The following LRRC37A2 variants were observed in gnomAD, a reference collection of about 807,000 sequenced individuals.
LRRC37A2 encodes the protein leucine-rich repeat-containing protein 37A2.
Under a neutral mutation model 68.8 loss-of-function variants are expected in LRRC37A2, and 9 were observed. The ratio of observed to expected loss-of-function variants is 0.13; its 90% CI spans 0.08 to 0.23. LRRC37A2 has a LOEUF of 0.23. LRRC37A2 is among the 10% of genes least tolerant of loss of function. LRRC37A2 has a pLI of 1.00. For synonymous variants in LRRC37A2, 63 were observed against 367.6 expected (o/e 0.17, Z 9.48); for missense variants, 168 against 950.4 (o/e 0.18, Z 10.82).
chr17:46,404,793 C>A, the LRRC37A2 span, among the ~76,000 whole-genome samples: 1 of 92,210 alleles, frequency 1.1e-5, no homozygotes, highest in African/African-American at 3.4e-5. Context: ...TAGCGTGAAC[C>A]CGGGAGGCGG....
chr17:46,923,251 C>CT, the LRRC37A2 span: 1 of 1,550,738 alleles, frequency 6.4e-7, no homozygotes, highest in South Asian at 1.2e-5. Context: ...CGGGCAGGGG[C>CT]TAGACGAGGC....
chr17:46,966,626 G>A, the LRRC37A2 span: 9 of 667,882 alleles, frequency 1.3e-5, no homozygotes, highest in East Asian at 1.4e-4. Context: ...TGGGATTATA[G>A]GTATGAGCCA....
chr17:46,863,420 G>T, the LRRC37A2 span, among the ~76,000 whole-genome samples: 13 of 152,332 alleles, frequency 8.5e-5, no homozygotes, highest in South Asian at 2.5e-3. Flanking sequence ...AAAAACCATG[G>T]CCTCTGCCAA....
At chr17:46,883,758 G>A in the LRRC37A2 span, among the ~76,000 whole-genome samples, 3 of 152,292 alleles carry the variant, frequency 2.0e-5, no homozygotes, top group Admixed American at 1.3e-4. Flanking sequence ...GATTCAGGGC[G>A]ACTGGTGGCA....
At chr17:46,848,926 G>T in the LRRC37A2 span, among the ~76,000 whole-genome samples, 8 of 134,278 alleles carry the variant, frequency 6.0e-5, no homozygotes, top group Admixed American at 3.9e-4. Flanking sequence ...GCACATGTGT[G>T]CACGTGCACA....
At chr17:46,850,604 G>A in the LRRC37A2 span, among the ~76,000 whole-genome samples, 7 of 152,116 alleles carry the variant, frequency 4.6e-5, no homozygotes, top group Non-Finnish European at 7.3e-5. Flanking sequence ...TGCTTGATTT[G>A]ACCCCGTGTT....
At chr17:46,946,617 C>T in the LRRC37A2 span, among the ~76,000 whole-genome samples, 1 of 152,092 alleles carries the variant, frequency 6.6e-6, no homozygotes, top group Non-Finnish European at 1.5e-5. Flanking sequence ...AATCCCAGCA[C>T]TTTGGGAGGC....
the LRRC37A2 span, among the ~76,000 whole-genome samples, chr17:46,998,292 C>T: frequency 6.6e-6 from 1 of 152,204 alleles, no homozygotes; most frequent in Non-Finnish European, 1.5e-5. Flanking sequence ...CTAATCCCGG[C>T]TCGGCCGTGA....
At chr17:46,990,497 C>A in the LRRC37A2 span, among the ~76,000 whole-genome samples, 1 of 152,102 alleles carries the variant, frequency 6.6e-6, no homozygotes, top group Non-Finnish European at 1.5e-5. Context: ...TTCCCCCAGT[C>A]GTTGTAAGGG....
At chr17:46,988,200 ATTATG>A in the LRRC37A2 span, among the ~76,000 whole-genome samples, 2 of 152,230 alleles carry the variant, frequency 1.3e-5, no homozygotes, top group African/African-American at 2.4e-5. Flanking sequence ...AAACAAATGC[ATTATG>A]TTAAGTGCAA....
the LRRC37A2 span, chr17:46,940,660 A>G: frequency 1.2e-6 from 2 of 1,613,068 alleles, no homozygotes; most frequent in African/African-American, 2.7e-5. Flanking sequence ...CGCACCCATC[A>G]TGCGTGGACT....
At chr17:46,804,749 T>G in the LRRC37A2 span, among the ~76,000 whole-genome samples, 1 of 152,200 alleles carries the variant, frequency 6.6e-6, no homozygotes, top group African/African-American at 2.4e-5. Flanking sequence ...TTTTCTGTCT[T>G]ACAAGAGGTT....
At chr17:46,880,111 C>T in the LRRC37A2 span, among the ~76,000 whole-genome samples, 4 of 152,354 alleles carry the variant, frequency 2.6e-5, no homozygotes, top group South Asian at 8.3e-4. Context: ...CTGCAGGCAG[C>T]TAGAGTGAGG....
the LRRC37A2 span, among the ~76,000 whole-genome samples, chr17:46,449,478 C>A: frequency 2.4e-5 from 2 of 84,178 alleles, no homozygotes; most frequent in Admixed American, 1.1e-4. Flanking sequence ...CTCTTACTAT[C>A]CACCATAAAG....
At position 46,543,602 on chromosome 17, in the gene LRRC37A2, T is replaced by C. The variant is rs1348913912; in HGVS notation, c.3054-2653T>C. ...TCTTAGGGGCTGCACACTGAAGTCTTCAATGGTGAAGGGTCATTATGTCTG... is the reference window on the plus strand; with the variant it reads ...TCTTAGGGGCTGCACACTGAAGTCTCCAATGGTGAAGGGTCATTATGTCTG... On this transcript the variant is annotated intron_variant, in intron 8 of 14. Transcript: ENST00000576629. Among the ~76,000 whole-genome samples the C allele has an allele frequency of 1.3e-5, 2 of 150,804 alleles. 1 individual carries two copies. Among genetic ancestry groups the C allele is most frequent in the African/African-American group, 5.0e-5 (2 of 40,116 alleles).
At chr17:46,558,611 G>C (rs1598599690), downstream of LRRC37A2, among the ~76,000 whole-genome samples, 1 of 106,264 alleles carries the variant, frequency 9.4e-6, no homozygotes, top group South Asian at 2.9e-4. Context: ...GGCTAGTCTT[G>C]AACTCCTGAC....
At chr17:47,044,058 AAAAAAAT>A in the LRRC37A2 span, among the ~76,000 whole-genome samples, 1 of 124,130 alleles carries the variant, frequency 8.1e-6, no homozygotes, top group East Asian at 2.3e-4. Context: ...AAAAAAAAAA[AAAAAAAT>A]AGATGAACAA....
chr17:46,912,482 A>C, the LRRC37A2 span, among the ~76,000 whole-genome samples: 1 of 151,536 alleles, frequency 6.6e-6, no homozygotes, highest in Admixed American at 6.6e-5. Context: ...CTTAGACAAA[A>C]CCCTCCTTCC....
At chr17:46,494,189 T>C in the LRRC37A2 span, among the ~76,000 whole-genome samples, 1 of 151,102 alleles carries the variant, frequency 6.6e-6, no homozygotes. Flanking sequence ...ATATTTTGGA[T>C]ATAAGTGCTT....
Sources: allele counts gnomAD v4.1 joint callset (sites outside exome capture counted in the v4.1 genomes callset), GRCh38; gene constraint gnomAD v4.1.1; transcripts MANE v1.5; gene names NCBI Gene and HGNC (gene_info 2026-07-23, HGNC 2026-07-21).